Variants in SUGP1 observed in about 807,000 individuals in gnomAD.
SUGP1 encodes the protein SURP and G-patch domain containing 1, also known as SURP and G-patch domain-containing protein 1.
SUGP1 carries 34 observed loss-of-function variants against 76.5 expected under a neutral mutation model. That is an observed-to-expected ratio of 0.44 (90% CI 0.34 to 0.59). The LOEUF is 0.59. Ranked by LOEUF, SUGP1 falls within the 20% of genes least tolerant of loss-of-function variation. SUGP1 has a pLI of 0.01. For synonymous variants in SUGP1, 326 were observed against 326.2 expected (o/e 1.00, Z 0.01); for missense variants, 752 against 851.7 (o/e 0.88, Z 1.46).
chr19:19,287,329 G>A (rs1417147612), intron 8 of SUGP1, among the ~76,000 whole-genome samples: 1 of 152,160 alleles, frequency 6.6e-6, no homozygotes, highest in African/African-American at 2.4e-5. Context: ...GGGAAGCTGA[G>A]GTGGGCGGAT....
chr19:19,287,160 G>A (rs1177325616), intron 8 of SUGP1, among the ~76,000 whole-genome samples: 1 of 152,060 alleles, frequency 6.6e-6, no homozygotes, highest in Non-Finnish European at 1.5e-5. Context: ...AATCCAAGCT[G>A]CTCGGAAGAC....
chr19:19,319,728 AAG>A (rs2061425018), intron 1 of SUGP1, among the ~76,000 whole-genome samples: 2 of 149,876 alleles, frequency 1.3e-5, no homozygotes, highest in Non-Finnish European at 3.0e-5. Flanking sequence ...AAAAAAAAAA[AAG>A]AAAGAAAGAA....
Position 19,296,982 on chromosome 19 carries a change from T to C in SUGP1, c.1243+7A>G, listed in dbSNP as rs1038134336. 6.4e-7 allele frequency: 1 copy of C among 1,562,990 alleles called. No homozygotes were observed. Among genetic ancestry groups the C allele is most frequent in the Non-Finnish European group, 8.7e-7 (1 of 1,148,176 alleles). ...CCAACACAGGGAGGGGGAGAGGGTCTGCCCACCTGACAGAGGCGAGGGAGA... is the reference window on the plus strand; with the variant it reads ...CCAACACAGGGAGGGGGAGAGGGTCCGCCCACCTGACAGAGGCGAGGGAGA... On this transcript the variant is annotated splice_region_variant and intron_variant, in intron 8 of 13. Transcript: ENST00000247001.
intron 1 of SUGP1, 85 bp from the exon 2 acceptor site, chr19:19,316,678 T>C (rs1479292977): frequency 7.0e-7 from 1 of 1,432,318 alleles, no homozygotes; most frequent in East Asian, 2.3e-5. Flanking sequence ...GAGCAACTGA[T>C]GTTCAGATTA....
chr19:19,311,984 C>T (rs1205103177), intron 2 of SUGP1, among the ~76,000 whole-genome samples: 2 of 150,668 alleles, frequency 1.3e-5, no homozygotes, highest in African/African-American at 4.9e-5. Flanking sequence ...TTTCTTAAAA[C>T]AAAAAAAAGT....
At chr19:19,283,158 A>G (rs1372965458) in intron 8 of SUGP1, among the ~76,000 whole-genome samples, 2 of 152,246 alleles carry the variant, frequency 1.3e-5, no homozygotes, top group Non-Finnish European at 2.9e-5. Flanking sequence ...TACTACCATA[A>G]AACATATACA....
In SUGP1 at chr19:19,303,345, T is replaced by C; in HGVS notation, c.763+3A>G. 1.9e-6 allele frequency: 3 copies of C among 1,613,724 alleles called. No individual in the cohort carries two copies. The highest frequency in any genetic ancestry group is 2.5e-6 in the Non-Finnish European group (3 of 1,179,636). On this transcript the variant is annotated splice_donor_region_variant and intron_variant, in intron 6 of 13. Transcript: ENST00000247001. ...GAATCTCCCACCCGCTCCGTCCACCTACCTTTCTGAGAGGCTGCCTGCGAC... is the reference window on the plus strand; with the variant it reads ...GAATCTCCCACCCGCTCCGTCCACCCACCTTTCTGAGAGGCTGCCTGCGAC...
At chr19:19,282,794 G>A (rs2061108332) in intron 8 of SUGP1, among the ~76,000 whole-genome samples, 1 of 152,148 alleles carries the variant, frequency 6.6e-6, no homozygotes, top group Non-Finnish European at 1.5e-5. Context: ...AAAGTTAGGT[G>A]TGGCCAGGCA....
intron 8 of SUGP1, among the ~76,000 whole-genome samples, chr19:19,291,496 A>T (rs900402868): frequency 6.6e-6 from 1 of 152,200 alleles, no homozygotes; most frequent in South Asian, 2.1e-4. Context: ...AGATAGATGA[A>T]GTGAACAAAT....
At chr19:19,296,237 C>T (rs2061224310) in intron 8 of SUGP1, among the ~76,000 whole-genome samples, 1 of 152,132 alleles carries the variant, frequency 6.6e-6, no homozygotes, top group Non-Finnish European at 1.5e-5. Context: ...TAAAATGGTG[C>T]ACCTGCAGGT....
At chr19:19,281,042 C>T (rs6511027) in intron 8 of SUGP1, 28,129 of 152,170 alleles carry the variant, frequency 0.18, 3,014 homozygotes, top group Middle Eastern at 0.28. Context: ...TAAGAATGGC[C>T]CACATTTGCA....
intron 8 of SUGP1, among the ~76,000 whole-genome samples, chr19:19,284,278 G>C (rs186191254): frequency 6.6e-6 from 1 of 152,282 alleles, no homozygotes; most frequent in Admixed American, 6.5e-5. Flanking sequence ...CTGGGCAACA[G>C]AGCAAGACTC....
chr19:19,296,963 C>T, intron 8 of SUGP1, 26 bp downstream of exon 8: 3 of 1,524,490 alleles, frequency 2.0e-6, no homozygotes, highest in Non-Finnish European at 2.7e-6. Context: ...CCTTCCAACA[C>T]AGGGAGGGGG....
intron 8 of SUGP1, among the ~76,000 whole-genome samples, chr19:19,283,710 T>G (rs1448638069): frequency 6.6e-6 from 1 of 152,200 alleles, no homozygotes; most frequent in Non-Finnish European, 1.5e-5. Flanking sequence ...CGCCTCGGCC[T>G]CCCAAAGTGT....
intron 4 of SUGP1, chr19:19,304,069 C>A: frequency 6.6e-7 from 1 of 1,521,112 alleles, no homozygotes; most frequent in Non-Finnish European, 8.8e-7. Context: ...GTGTGTGAGG[C>A]TGTGGTGAGC....
intron 2 of SUGP1, among the ~76,000 whole-genome samples, chr19:19,311,079 G>T (rs1248414848): frequency 2.0e-5 from 3 of 149,134 alleles, no homozygotes; most frequent in Non-Finnish European, 4.4e-5. Context: ...TTTGGTAGAG[G>T]TAACATCTCA....
At chr19:19,306,570 T>C (rs1233334218) in intron 3 of SUGP1, among the ~76,000 whole-genome samples, 1 of 152,220 alleles carries the variant, frequency 6.6e-6, no homozygotes, top group Non-Finnish European at 1.5e-5. Flanking sequence ...TCTTAGCTGT[T>C]CCCTGGGAAA....
chr19:19,317,358 A>G (rs1179650592), intron 1 of SUGP1, among the ~76,000 whole-genome samples: 1 of 152,324 alleles, frequency 6.6e-6, no homozygotes, highest in Non-Finnish European at 1.5e-5. Context: ...GTGAAAGCTC[A>G]AGGCAGGAAG....
In SUGP1 at chr19:19,283,076, C is replaced by CAA. The variant is rs34368040; in HGVS notation, c.1244-2787_1244-2786dup. 4.3e-3 allele frequency among the ~76,000 whole-genome samples: 564 copies of CAA among 130,868 alleles called. 5 individuals carry two copies. The highest frequency in any genetic ancestry group is 0.014 in the African/African-American group (505 of 37,002). 85.9% of individuals were successfully genotyped at this position (130,868 alleles called of 152,430 possible). On this transcript the variant is annotated intron_variant, in intron 8 of 13. Coordinates refer to ENST00000247001, the MANE Select transcript of SUGP1 (RefSeq NM_172231.4). ...TGGGCGACAGAGTGAGACTCCATCT[C>CAA]AAAAAAAAAAAAAAGTTAGGAGTGT...
Sources: allele counts gnomAD v4.1 joint callset (sites outside exome capture counted in the v4.1 genomes callset), GRCh38; gene constraint gnomAD v4.1.1; transcripts MANE v1.5; gene names NCBI Gene and HGNC (gene_info 2026-07-23, HGNC 2026-07-21).